NIPAL2: variants seen among roughly 807,000 people sequenced by gnomAD.
The protein encoded by NIPAL2 is NIPA-like protein 2.
A neutral mutation model predicts 48.9 loss-of-function variants in NIPAL2; 43 were observed. The ratio of observed to expected loss-of-function variants is 0.88; its 90% CI spans 0.69 to 1.13. The LOEUF (loss-of-function observed/expected upper bound fraction) is 1.13, where lower values mean the gene tolerates loss of function less well. Ranked by LOEUF, NIPAL2 falls within the 50% of genes most tolerant of loss-of-function variation. The probability of loss-of-function intolerance (pLI) is 0.00; values close to 1 mark genes in which losing one functional copy is unlikely to be tolerated. For missense variants in NIPAL2, 446 were observed against 461.4 expected (o/e 0.97, Z 0.31); for synonymous variants, 167 against 174.6 (o/e 0.96, Z 0.34).
intron 3 of NIPAL2, among the ~76,000 whole-genome samples, chr8:98,242,720 G>A (rs1813061079): frequency 6.6e-6 from 1 of 151,940 alleles, no homozygotes. Context: ...TCCTAACCTC[G>A]TGATCCTCCC....
chr8:98,262,557 T>A (rs1586432741), intron 1 of NIPAL2, among the ~76,000 whole-genome samples: 1 of 150,548 alleles, frequency 6.6e-6, no homozygotes, highest in Non-Finnish European at 1.5e-5. Flanking sequence ...GGTAAAGGGA[T>A]CAATTCAACA....
intron 1 of NIPAL2, 28 bp from the exon 2 acceptor site, chr8:98,254,115 A>G: frequency 1.3e-6 from 2 of 1,557,678 alleles, no homozygotes; most frequent in Non-Finnish European, 1.8e-6. Context: ...TTCCTTAAAT[A>G]ATACTTGTAA....
chr8:98,275,169 T>C (rs868653758), intron 1 of NIPAL2, among the ~76,000 whole-genome samples: 1 of 152,020 alleles, frequency 6.6e-6, no homozygotes, highest in Non-Finnish European at 1.5e-5. Context: ...TATGAACCCA[T>C]TTGTGTGTGT....
chr8:98,220,941 T>C (rs992199807), intron 5 of NIPAL2, among the ~76,000 whole-genome samples: 1 of 150,228 alleles, frequency 6.7e-6, no homozygotes, highest in African/African-American at 2.4e-5. Context: ...CACCTTCATA[T>C]TTCTCTATCA....
intron 8 of NIPAL2, among the ~76,000 whole-genome samples, chr8:98,202,775 G>C (rs1421662017): frequency 6.6e-6 from 1 of 152,274 alleles, no homozygotes; most frequent in African/African-American, 2.4e-5. Flanking sequence ...TAATCCAAGG[G>C]CTGGCAAGGG....
At chr8:98,263,563 C>T (rs1348028803) in intron 1 of NIPAL2, among the ~76,000 whole-genome samples, 19 of 149,656 alleles carry the variant, frequency 1.3e-4, no homozygotes, top group African/African-American at 4.7e-4. Context: ...CATACACTCT[C>T]CCAAGACTAA....
rs1347886529 is a variant in NIPAL2, at chr8:98,194,731, G to A, written c.1036C>T (p.Pro346Ser). The A allele has an allele frequency of 1.3e-6, 2 of 1,525,910 alleles. No homozygotes were observed. Among genetic ancestry groups the A allele is most frequent in the South Asian group, 2.6e-5 (2 of 76,912 alleles). The allele number at this position is 1,525,910 out of a possible 1,614,324, so 94.5% of individuals were successfully genotyped here. The change falls in exon 10 of 11, where the codon CCT becomes TCT. Residue 346 changes from proline (P) to serine (S), a missense_variant. Transcript: ENST00000430223. Reference sequence around the variant, plus strand: ...TATAAAGAATATATGATTTTACCAGGAATATTTCCAAAATCAATATAAGAC... The same window carrying A: ...TATAAAGAATATATGATTTTACCAGAAATATTTCCAAAATCAATATAAGAC... The part of the protein sequence containing the change: ...QQSYIDFGNI[P>S]GKQMLDKIQP...
chr8:98,200,433 T>C (rs1810746294), intron 8 of NIPAL2, among the ~76,000 whole-genome samples: 2 of 152,238 alleles, frequency 1.3e-5, no homozygotes, highest in Admixed American at 1.3e-4. Context: ...GTTCTCAAGG[T>C]TCATCTATGT....
At chr8:98,202,841 C>T (rs1810866050) in intron 8 of NIPAL2, among the ~76,000 whole-genome samples, 1 of 152,194 alleles carries the variant, frequency 6.6e-6, no homozygotes, top group Non-Finnish European at 1.5e-5. Context: ...AAACTCATTT[C>T]AGCTCCAATA....
chr8:98,270,773 G>C (rs1302605602), intron 1 of NIPAL2, among the ~76,000 whole-genome samples: 1 of 151,722 alleles, frequency 6.6e-6, no homozygotes, highest in Non-Finnish European at 1.5e-5. Flanking sequence ...TCTTTGCCTA[G>C]GCCAATTTCC....
chr8:98,260,554 T>A (rs917077973), intron 1 of NIPAL2, among the ~76,000 whole-genome samples: 1 of 152,138 alleles, frequency 6.6e-6, no homozygotes, highest in Non-Finnish European at 1.5e-5. Flanking sequence ...CCAACCCGAA[T>A]ACTGCGCTTT....
chr8:98,294,205 G>T lies in NIPAL2; in HGVS notation c.-68C>A, dbSNP rs956152645. 4.9e-6 allele frequency: 6 copies of T among 1,222,030 alleles called. No individual in the cohort carries two copies. The highest frequency in any genetic ancestry group is 1.6e-5 in the African/African-American group (1 of 63,204). 75.7% of individuals were successfully genotyped at this position (1,222,030 alleles called of 1,614,324 possible). On this transcript the variant is annotated 5_prime_UTR_variant, in exon 1 of 11. Transcript: ENST00000430223. ...CCGCCTCCCCGCCCTGTTGCACCGC[G>T]AGGAGGCCGCGCCGCAGCCACTTCC...
chr8:98,219,497 G>T (rs1177627719), intron 5 of NIPAL2, among the ~76,000 whole-genome samples: 2 of 152,132 alleles, frequency 1.3e-5, no homozygotes, highest in African/African-American at 2.4e-5. Flanking sequence ...GGGAGTAAAT[G>T]CTGCATAAGG....
At position 98,259,069 on chromosome 8, in the gene NIPAL2, C is replaced by CTTTTTTTTT. The variant is rs1563531576; in HGVS notation, c.136-4983_136-4982insAAAAAAAAA. 9.1e-4 allele frequency among the ~76,000 whole-genome samples: 81 copies of CTTTTTTTTT among 89,334 alleles called. 1 individual carries two copies. Among genetic ancestry groups the CTTTTTTTTT allele is most frequent in the African/African-American group, 1.3e-3 (29 of 21,788 alleles). The allele number at this position is 89,334 out of a possible 152,430, so 58.6% of individuals were successfully genotyped here. ...TTATGCTGCTGTTCCTTTAAATATT[C>CTTTTTTTTT]CTTTTTTTTTTTTTTTTTTTTTTTT... On this transcript the variant is annotated intron_variant, in intron 1 of 10. Transcript: ENST00000430223.
chr8:98,244,651 G>A (rs1813208186), intron 3 of NIPAL2, among the ~76,000 whole-genome samples: 3 of 151,856 alleles, frequency 2.0e-5, no homozygotes, highest in Admixed American at 6.6e-5. Flanking sequence ...TGGTGGTGAT[G>A]GGCTGTGGGG....
At chr8:98,235,186 G>T (rs1341697860) in intron 4 of NIPAL2, among the ~76,000 whole-genome samples, 1 of 152,122 alleles carries the variant, frequency 6.6e-6, no homozygotes, top group Non-Finnish European at 1.5e-5. Context: ...CTGGAAGAGG[G>T]TAGGCATTGT....
intron 1 of NIPAL2, among the ~76,000 whole-genome samples, chr8:98,275,974 A>T (rs1246992809): frequency 6.6e-6 from 1 of 152,150 alleles, no homozygotes; most frequent in Non-Finnish European, 1.5e-5. Context: ...TCACAGCAAA[A>T]TTGAGAGGAA....
At position 98,205,186 on chromosome 8, in the gene NIPAL2, T is replaced by A; in HGVS notation, c.716A>T (p.Asp239Val). The change falls in exon 7 of 11, where the codon GAT becomes GTT. Residue 239 changes from aspartate (D) to valine (V), a missense_variant. Transcript: ENST00000430223. ...VSGMITFSVM[D>V]KMQLTYPIFY... The stretch of plus-strand genomic sequence containing the variant: ...AATGGGGTAAGTTAGTTGCATTTTA[T>A]CCATCACAGAAAAAGTGATCATGCC... 1 of 1,613,490 alleles carries A rather than the reference T, an allele frequency of 6.2e-7. No homozygotes were observed.
chr8:98,214,705 G>A (rs763848275), intron 5 of NIPAL2, among the ~76,000 whole-genome samples: 16 of 152,064 alleles, frequency 1.1e-4, no homozygotes, highest in Non-Finnish European at 1.6e-4. Context: ...ATCCTTTGTG[G>A]GCATGGGAAA....
Sources: allele counts gnomAD v4.1 joint callset (sites outside exome capture counted in the v4.1 genomes callset), GRCh38; gene constraint gnomAD v4.1.1; transcripts MANE v1.5; gene names NCBI Gene and HGNC (gene_info 2026-07-23, HGNC 2026-07-21).